FGGY: variants seen among roughly 807,000 people sequenced by gnomAD.
FGGY encodes FGGY carbohydrate kinase domain containing, also known as FGGY carbohydrate kinase domain-containing protein.
In FGGY, 72 loss-of-function variants were observed where a neutral mutation model predicts 71.3. The observed-to-expected ratio is 1.01, with a 90% CI of 0.84 to 1.23. FGGY has a LOEUF of 1.23. FGGY is among the 50% of genes most tolerant of loss of function. The probability of loss-of-function intolerance (pLI) is 0.00; values close to 1 mark genes in which losing one functional copy is unlikely to be tolerated. For missense variants in FGGY, 668 were observed against 682.3 expected, an observed-to-expected ratio of 0.98 and a Z score of 0.23; for synonymous variants, 251 against 250.3, an observed-to-expected ratio of 1.00 and a Z score of -0.02.
chr1:59,370,683 G>T (rs1208828554), intron 4 of FGGY, among the ~76,000 whole-genome samples: 2 of 151,830 alleles, frequency 1.3e-5, no homozygotes, highest in Non-Finnish European at 2.9e-5. Context: ...ACAAAGGGAA[G>T]CCCATCAGAC....
intron 7 of FGGY, among the ~76,000 whole-genome samples, chr1:59,514,630 AG>A (rs2094597021): frequency 6.6e-6 from 1 of 152,150 alleles, no homozygotes. Context: ...GGAGGGACCC[AG>A]GGGGAGGTAA....
chr1:59,566,291 AC>A (rs1356604892), intron 8 of FGGY, among the ~76,000 whole-genome samples: 29 of 152,130 alleles, frequency 1.9e-4, no homozygotes, highest in Admixed American at 1.6e-3. Context: ...ATTTAGTTCT[AC>A]ATACATTTAG....
intron 5 of FGGY, among the ~76,000 whole-genome samples, chr1:59,438,986 A>C (rs926506541): frequency 6.6e-6 from 1 of 152,090 alleles, no homozygotes; most frequent in Non-Finnish European, 1.5e-5. Context: ...CTATCTCATG[A>C]ATTTTTTATA....
chr1:59,556,996 G>A (rs1032962571), intron 8 of FGGY, among the ~76,000 whole-genome samples: 1 of 152,136 alleles, frequency 6.6e-6, no homozygotes, highest in Admixed American at 6.5e-5. Context: ...CTGGGCCAAG[G>A]GGATTAATCA....
chr1:59,742,924 A>G (rs2101422250), intron 14 of FGGY, among the ~76,000 whole-genome samples: 1 of 152,126 alleles, frequency 6.6e-6, no homozygotes, highest in East Asian at 1.9e-4. Flanking sequence ...CCTTGCCTCC[A>G]CTTTTACCAT....
intron 11 of FGGY, among the ~76,000 whole-genome samples, chr1:59,653,296 G>A (rs6671322): frequency 0.075 from 11,386 of 152,236 alleles, 1,151 homozygotes; most frequent in African/African-American, 0.23. Flanking sequence ...TCGAGCTTTT[G>A]GGCTGCTTTG....
chr1:59,673,162 T>G (rs553536312), intron 13 of FGGY, among the ~76,000 whole-genome samples: 16 of 152,280 alleles, frequency 1.1e-4, no homozygotes, highest in Non-Finnish European at 2.1e-4. Flanking sequence ...AGACAGACAT[T>G]AAACAAGATA....
chr1:59,462,685 C>T (rs1194246391), intron 6 of FGGY, among the ~76,000 whole-genome samples: 1 of 152,168 alleles, frequency 6.6e-6, no homozygotes, highest in African/African-American at 2.4e-5. Context: ...GACATTTATG[C>T]AGCCAAAACA....
At chr1:59,310,644 G>A (rs1369372445) in intron 1 of FGGY, among the ~76,000 whole-genome samples, 2 of 152,172 alleles carry the variant, frequency 1.3e-5, no homozygotes, top group Non-Finnish European at 2.9e-5. Flanking sequence ...AGAACTCAGG[G>A]TGTCCGTTGG....
intron 7 of FGGY, among the ~76,000 whole-genome samples, chr1:59,540,400 C>A (rs1037473502): frequency 6.6e-6 from 1 of 152,124 alleles, no homozygotes; most frequent in African/African-American, 2.4e-5. Flanking sequence ...TTTATGGCAA[C>A]AAAAATGTAC....
At chr1:59,629,205 T>C (rs1217145964) in intron 10 of FGGY, among the ~76,000 whole-genome samples, 2 of 149,948 alleles carry the variant, frequency 1.3e-5, no homozygotes, top group African/African-American at 5.1e-5. Flanking sequence ...CCCTGGAACT[T>C]AAATAAAAAA....
chr1:59,410,146 C>T (rs1345295379), intron 5 of FGGY, among the ~76,000 whole-genome samples: 1 of 152,188 alleles, frequency 6.6e-6, no homozygotes, highest in African/African-American at 2.4e-5. Flanking sequence ...CTTTCATGCT[C>T]TGTTGCAATC....
chr1:59,564,899 T>C (rs1227648454), intron 8 of FGGY, among the ~76,000 whole-genome samples: 1 of 152,178 alleles, frequency 6.6e-6, no homozygotes, highest in African/African-American at 2.4e-5. Context: ...ATCTATCAGA[T>C]GGCCTGAGCC....
intron 6 of FGGY, among the ~76,000 whole-genome samples, chr1:59,499,302 T>G (rs2094148460): frequency 7.0e-6 from 1 of 143,192 alleles, no homozygotes; most frequent in Non-Finnish European, 1.5e-5. Flanking sequence ...TATGTTTGTT[T>G]TTTTTTTTTT....
At chr1:59,630,832 C>T (rs1467066748) in intron 10 of FGGY, among the ~76,000 whole-genome samples, 6 of 152,048 alleles carry the variant, frequency 3.9e-5, no homozygotes, top group Non-Finnish European at 7.4e-5. Context: ...TAAATCCCAC[C>T]TCTTTTCACA....
chr1:59,762,364 G>T, intron 15 of FGGY, 139 bp from the exon 16 acceptor site: 1 of 623,900 alleles, frequency 1.6e-6, no homozygotes, highest in Admixed American at 2.7e-5. Flanking sequence ...CTAATTCATT[G>T]CCCAGGATGC....
intron 5 of FGGY, among the ~76,000 whole-genome samples, chr1:59,448,649 A>T (rs758905405): frequency 1.7e-4 from 26 of 152,268 alleles, no homozygotes; most frequent in Middle Eastern, 3.4e-3. Context: ...CATTCACTTA[A>T]TTAACATGCA....
intron 11 of FGGY, among the ~76,000 whole-genome samples, chr1:59,651,466 T>G (rs969466711): frequency 6.8e-6 from 1 of 148,148 alleles, no homozygotes. Context: ...TTTAGGATAG[T>G]TAGCTCTTCT....
chr1:59,697,598 G>C (rs1010936462), intron 14 of FGGY: 3 of 1,068,398 alleles, frequency 2.8e-6, no homozygotes, highest in Non-Finnish European at 3.9e-6. Context: ...TATAACCATC[G>C]TCGCTGTGAA....
Sources: allele counts gnomAD v4.1 joint callset (sites outside exome capture counted in the v4.1 genomes callset), GRCh38; gene constraint gnomAD v4.1.1; transcripts MANE v1.5; gene names NCBI Gene and HGNC (gene_info 2026-07-23, HGNC 2026-07-21).